IL1RAPL1: variants seen among roughly 807,000 people sequenced by gnomAD.
IL1RAPL1 encodes interleukin-1 receptor accessory protein-like 1.
IL1RAPL1 carries 3 observed loss-of-function variants against 48.4 expected under a neutral mutation model. The observed-to-expected ratio is 0.06, with a 90% CI of 0.03 to 0.16. The LOEUF (loss-of-function observed/expected upper bound fraction) is 0.16. IL1RAPL1 is among the 10% of genes least tolerant of loss of function. The probability of loss-of-function intolerance (pLI) is 1.00; values close to 1 mark genes in which losing one functional copy is unlikely to be tolerated. For missense variants in IL1RAPL1, 349 were observed against 530.6 expected (o/e 0.66, Z 3.36); for synonymous variants, 185 against 187.7 (o/e 0.99, Z 0.12).
intron 2 of IL1RAPL1, among the ~76,000 whole-genome samples, chrX:29,064,148 CTT>C (rs1172770529): frequency 1.8e-5 from 2 of 111,931 alleles, no homozygotes; most frequent in Admixed American, 1.9e-4. Flanking sequence ...ATGCCAGACT[CTT>C]TATGATCTTG....
At chrX:29,568,513 A>G (rs1437036829) in intron 5 of IL1RAPL1, among the ~76,000 whole-genome samples, 3 of 110,814 alleles carry the variant, frequency 2.7e-5, no homozygotes, top group African/African-American at 9.8e-5. Flanking sequence ...GTTCTGTTGA[A>G]AACTGTAAAG....
chrX:29,859,999 G>T (rs964837064), intron 6 of IL1RAPL1, among the ~76,000 whole-genome samples: 3 of 111,855 alleles, frequency 2.7e-5, no homozygotes, highest in African/African-American at 9.8e-5. Context: ...TCCTGAAATT[G>T]ATGTTACTTT....
chrX:29,405,376 A>T (rs5927453), intron 5 of IL1RAPL1, among the ~76,000 whole-genome samples: 45,630 of 93,637 alleles, frequency 0.49, 9,460 homozygotes, highest in Admixed American at 0.58. Context: ...TTATTTATTT[A>T]TTTTTTTTGA....
chrX:29,334,282 G>A (rs1435530262), intron 3 of IL1RAPL1, among the ~76,000 whole-genome samples: 1 of 72,376 alleles, frequency 1.4e-5, no homozygotes, highest in South Asian at 6.4e-4. Context: ...GCCGGGCAGA[G>A]GCGCCCCTCA....
chrX:29,657,520 C>T (rs888364004), intron 5 of IL1RAPL1, among the ~76,000 whole-genome samples: 1 of 112,016 alleles, frequency 8.9e-6, no homozygotes, highest in Admixed American at 9.5e-5. Context: ...TTACATTATA[C>T]TATACTTTAG....
At chrX:28,608,959 G>T (rs979669150) in intron 1 of IL1RAPL1, among the ~76,000 whole-genome samples, 4 of 112,157 alleles carry the variant, frequency 3.6e-5, no homozygotes, top group African/African-American at 1.3e-4. Context: ...TTTAAAGAAT[G>T]AAATAAAGTT....
chrX:29,520,593 C>G (rs1935492720), intron 5 of IL1RAPL1, among the ~76,000 whole-genome samples: 1 of 111,107 alleles, frequency 9.0e-6, no homozygotes, highest in African/African-American at 3.3e-5. Flanking sequence ...ATTAATGAGC[C>G]TTTCTGTTCT....
intron 2 of IL1RAPL1, among the ~76,000 whole-genome samples, chrX:28,994,566 T>C (rs1925686207): frequency 9.0e-6 from 1 of 111,424 alleles, no homozygotes; most frequent in Non-Finnish European, 1.9e-5. Context: ...GAGAGGCCCA[T>C]ACCTCTGAAT....
At chrX:29,899,669 G>A (rs1023869957) in intron 6 of IL1RAPL1, among the ~76,000 whole-genome samples, 9 of 107,551 alleles carry the variant, frequency 8.4e-5, no homozygotes, top group Non-Finnish European at 1.2e-4. Context: ...TCAGCCTCCC[G>A]AGTTGCTGGG....
intron 2 of IL1RAPL1, among the ~76,000 whole-genome samples, chrX:29,181,111 A>G (rs1207122913): frequency 8.9e-6 from 1 of 111,798 alleles, no homozygotes; most frequent in African/African-American, 3.3e-5. Context: ...ATGTGATCTG[A>G]CTGAGTTGCT....
intron 2 of IL1RAPL1, among the ~76,000 whole-genome samples, chrX:29,188,062 G>A (rs1930285442): frequency 1.8e-5 from 2 of 111,663 alleles, no homozygotes; most frequent in Non-Finnish European, 3.8e-5. Context: ...GTAAGCAGTG[G>A]GTCACCCAGC....
chrX:28,761,016 G>C (rs1222899621), intron 1 of IL1RAPL1, among the ~76,000 whole-genome samples: 1 of 108,338 alleles, frequency 9.2e-6, no homozygotes, highest in Non-Finnish European at 1.9e-5. Flanking sequence ...AACCTGGGGG[G>C]GCAGAGGTTG....
chrX:29,329,202 A>C (rs750439831), intron 3 of IL1RAPL1, among the ~76,000 whole-genome samples: 1 of 111,582 alleles, frequency 9.0e-6, no homozygotes, highest in East Asian at 2.8e-4. Flanking sequence ...AATGATACAG[A>C]GAAACAGTAG....
chrX:28,739,060 C>A lies in IL1RAPL1; in HGVS notation c.-24-50260C>A, dbSNP rs949768219. On this transcript the variant is annotated intron_variant, in intron 1 of 10. Coordinates refer to ENST00000378993, the MANE Select transcript of IL1RAPL1 (RefSeq NM_014271.4). Reference sequence around the variant, plus strand: ...GTCTTAAATGGTGTTCAAGGCCCTTCATAATTTGATGTCTCCAAGATACCT... The same window carrying A: ...GTCTTAAATGGTGTTCAAGGCCCTTAATAATTTGATGTCTCCAAGATACCT... Among the ~76,000 whole-genome samples, 4 of 111,332 alleles carry A rather than the reference C, an allele frequency of 3.6e-5. No homozygotes were observed. The East Asian group carries it at 1.1e-3, about 32-fold the overall frequency.
chrX:29,214,684 TAAAG>T (rs759982967), intron 2 of IL1RAPL1, among the ~76,000 whole-genome samples: 270 of 111,102 alleles, frequency 2.4e-3, no homozygotes, highest in African/African-American at 8.6e-3. Flanking sequence ...AACGAAAACA[TAAAG>T]GAAGATAAAG....
intron 1 of IL1RAPL1, among the ~76,000 whole-genome samples, chrX:28,758,574 G>A (rs1409398101): frequency 9.0e-6 from 1 of 111,265 alleles, no homozygotes; most frequent in East Asian, 2.8e-4. Context: ...CCACAGCGTA[G>A]GGGATCTCCT....
rs775298162 is a variant in IL1RAPL1, at chrX:28,847,636, G to A, written c.82+58211G>A. 4.6e-3 allele frequency among the ~76,000 whole-genome samples: 513 copies of A among 110,574 alleles called. 5 individuals carry two copies. Among genetic ancestry groups the A allele is most frequent in the Non-Finnish European group, 5.9e-3 (310 of 52,857 alleles). On this transcript the variant is annotated intron_variant, in intron 2 of 10. Transcript: ENST00000378993. ...TTACATCAGACACACCCCCTCCCAC[G>A]TCAGTGCCTTGCACTTGCTGTTCCT...
At chrX:28,642,312 C>T (rs1934555218) in intron 1 of IL1RAPL1, among the ~76,000 whole-genome samples, 1 of 111,507 alleles carries the variant, frequency 9.0e-6, no homozygotes, top group Admixed American at 9.5e-5. Flanking sequence ...ACAAGCAGAC[C>T]TAATAGACAT....
At chrX:29,096,294 A>G (rs975368890) in intron 2 of IL1RAPL1, among the ~76,000 whole-genome samples, 5 of 111,980 alleles carry the variant, frequency 4.5e-5, no homozygotes, top group African/African-American at 1.6e-4. Flanking sequence ...TTGTTCTTAC[A>G]ACAGAATTGT....
Sources: allele counts gnomAD v4.1 joint callset (sites outside exome capture counted in the v4.1 genomes callset), GRCh38; gene constraint gnomAD v4.1.1; transcripts MANE v1.5; gene names NCBI Gene and HGNC (gene_info 2026-07-23, HGNC 2026-07-21).